WASF3: variants seen among roughly 807,000 people sequenced by gnomAD.
WASF3 encodes WASP family member 3.
In WASF3, 11 loss-of-function variants were observed where a neutral mutation model predicts 46.6. That is an observed-to-expected ratio of 0.24 (90% CI 0.15 to 0.39). The LOEUF is 0.39. Among genes scored for constraint, WASF3 ranks in the 10% least tolerant of loss-of-function variants. The pLI, the probability that WASF3 is intolerant of heterozygous loss-of-function variation, is 1.00. For missense variants in WASF3, 576 were observed against 669.8 expected (o/e 0.86, Z 1.55); for synonymous variants, 242 against 259.7 (o/e 0.93, Z 0.65).
chr13:26,591,027 G>GCAT (rs1880276717), intron 1 of WASF3, among the ~76,000 whole-genome samples: 1 of 146,654 alleles, frequency 6.8e-6, no homozygotes, highest in South Asian at 2.1e-4. Context: ...ACTGAGCCAC[G>GCAT]CAGGTGTAGG....
chr13:26,579,208 C>T (rs1879900845), intron 1 of WASF3, among the ~76,000 whole-genome samples: 1 of 151,558 alleles, frequency 6.6e-6, no homozygotes, highest in Middle Eastern at 3.4e-3. Flanking sequence ...CACTATGCTG[C>T]TGAGGCTGGT....
chr13:26,659,302 G>A (rs185633330), intron 3 of WASF3, among the ~76,000 whole-genome samples: 2 of 152,280 alleles, frequency 1.3e-5, no homozygotes, highest in Non-Finnish European at 2.9e-5. Flanking sequence ...GGGAGAAGGG[G>A]GATGCTTGGG....
chr13:26,594,956 A>G (rs1263072567), intron 1 of WASF3, among the ~76,000 whole-genome samples: 2 of 152,106 alleles, frequency 1.3e-5, no homozygotes, highest in African/African-American at 4.8e-5. Context: ...TTTACCTACC[A>G]TTTCCCAACA....
intron 1 of WASF3, among the ~76,000 whole-genome samples, chr13:26,565,238 T>G (rs967190406): frequency 6.6e-6 from 1 of 150,834 alleles, no homozygotes; most frequent in African/African-American, 2.4e-5. Context: ...ATTTCAAAAC[T>G]TGCTTCCTGT....
chr13:26,558,097 C>T (rs1429942533), intron 1 of WASF3, among the ~76,000 whole-genome samples: 4 of 151,798 alleles, frequency 2.6e-5, no homozygotes, highest in African/African-American at 4.8e-5. Flanking sequence ...CCCGCGCCTC[C>T]GGGCCTCCGG....
chr13:26,683,642 A>G (rs1400369110), intron 9 of WASF3, among the ~76,000 whole-genome samples: 1 of 152,166 alleles, frequency 6.6e-6, no homozygotes. Context: ...TCTTTAAAAA[A>G]AAAAAAGAGT....
intron 1 of WASF3, among the ~76,000 whole-genome samples, chr13:26,558,251 T>C (rs1462872989): frequency 2.6e-5 from 4 of 152,010 alleles, no homozygotes; most frequent in African/African-American, 9.7e-5. Context: ...CCGTTCAGTG[T>C]CTGCGCGCCC....
chr13:26,571,568 T>C (rs12867851), intron 1 of WASF3, among the ~76,000 whole-genome samples: 29,411 of 152,152 alleles, frequency 0.19, 3,171 homozygotes, highest in East Asian at 0.26. Context: ...GGGTCTATTT[T>C]TGGGCGTTCC....
At chr13:26,676,278 T>G (rs1329134544) in intron 6 of WASF3, among the ~76,000 whole-genome samples, 1 of 152,242 alleles carries the variant, frequency 6.6e-6, no homozygotes, top group Non-Finnish European at 1.5e-5. Context: ...ACAAGCATAT[T>G]CAAGTGAAAG....
Position 26,594,237 on chromosome 13 carries a change from C to G in WASF3, c.-108-18724C>G, listed in dbSNP as rs941023763. ...GCTCTTCTATTCTAGTCCTTCAGTT[C>G]CAGCGAGGGCTAATTTATGGCCTCT... On this transcript the variant is annotated intron_variant, in intron 1 of 9. Transcript: ENST00000335327. Among the ~76,000 whole-genome samples the G allele has an allele frequency of 1.1e-4, 16 of 152,164 alleles. 1 individual carries two copies. Among genetic ancestry groups the G allele is most frequent in the Admixed American group, 5.2e-4 (8 of 15,266 alleles).
At chr13:26,657,885 C>G (rs954190313) in intron 3 of WASF3, among the ~76,000 whole-genome samples, 1 of 152,200 alleles carries the variant, frequency 6.6e-6, no homozygotes, top group Non-Finnish European at 1.5e-5. Context: ...TGTCAGCTTT[C>G]AGCAGCTGGC....
chr13:26,582,932 A>G (rs1386185033), intron 1 of WASF3, among the ~76,000 whole-genome samples: 2 of 152,136 alleles, frequency 1.3e-5, no homozygotes, highest in African/African-American at 2.4e-5. Context: ...CTATTAACAT[A>G]TATTCTAATA....
intron 1 of WASF3, among the ~76,000 whole-genome samples, chr13:26,605,643 T>G (rs1334106925): frequency 6.6e-6 from 1 of 152,176 alleles, no homozygotes; most frequent in Non-Finnish European, 1.5e-5. Flanking sequence ...ATCAAAGTAT[T>G]AGGATCCACA....
intron 2 of WASF3, among the ~76,000 whole-genome samples, chr13:26,628,683 C>T (rs1032541667): frequency 1.3e-5 from 2 of 152,134 alleles, no homozygotes; most frequent in Admixed American, 6.6e-5. Context: ...TCCAAAGTAC[C>T]GTGGTGGCAT....
At chr13:26,599,274 C>T (rs747353060) in intron 1 of WASF3, among the ~76,000 whole-genome samples, 2 of 151,580 alleles carry the variant, frequency 1.3e-5, no homozygotes, top group Non-Finnish European at 2.9e-5. Flanking sequence ...CCTCTGCCTC[C>T]TGAGTTCAAG....
chr13:26,660,209 T>G (rs1261816108), intron 3 of WASF3, among the ~76,000 whole-genome samples: 6 of 126,582 alleles, frequency 4.7e-5, no homozygotes, highest in Non-Finnish European at 8.1e-5. Flanking sequence ...TTTTTTTTTT[T>G]TTTTTTTTTT....
intron 3 of WASF3, among the ~76,000 whole-genome samples, chr13:26,643,721 C>A (rs1297622242): frequency 1.3e-5 from 2 of 152,322 alleles, no homozygotes; most frequent in Admixed American, 1.3e-4. Context: ...GTGATGAAAG[C>A]CGACATAAAC....
chr13:26,644,826 T>G (rs1882101386), intron 3 of WASF3, among the ~76,000 whole-genome samples: 1 of 151,984 alleles, frequency 6.6e-6, no homozygotes, highest in South Asian at 2.1e-4. Context: ...AAAAGAAGGA[T>G]GTACAAAGAG....
chr13:26,651,805 T>TA (rs1430766531), intron 3 of WASF3, among the ~76,000 whole-genome samples: 27 of 152,354 alleles, frequency 1.8e-4, no homozygotes, highest in Admixed American at 1.4e-3. Flanking sequence ...TATGTGACAG[T>TA]AAATGCTGAG....
Sources: gnomAD v4.1 joint callset for allele counts (sites outside exome capture counted in the v4.1 genomes callset) on GRCh38, gnomAD v4.1.1 for gene constraint, MANE v1.5 for transcripts, NCBI Gene and HGNC (gene_info 2026-07-23, HGNC 2026-07-21) for gene names.